The following TUB variants were observed in gnomAD, a reference collection of about 807,000 sequenced individuals.
TUB encodes TUB bipartite transcription factor, also known as tubby protein homolog.
In TUB, 33 loss-of-function variants were observed where a neutral mutation model predicts 59.7. The ratio of observed to expected loss-of-function variants is 0.55; its 90% CI spans 0.42 to 0.74. TUB has a LOEUF of 0.74. Ranked by LOEUF, TUB falls within the 30% of genes least tolerant of loss-of-function variation. TUB has a pLI of 0.00. For missense variants in TUB, 659 were observed against 672.0 expected, an observed-to-expected ratio of 0.98 and a Z score of 0.21; for synonymous variants, 293 against 256.4, an observed-to-expected ratio of 1.14 and a Z score of -1.36.
intron 2 of TUB, among the ~76,000 whole-genome samples, chr11:8,049,459 G>C (rs1942891049): frequency 6.6e-6 from 1 of 151,910 alleles, no homozygotes; most frequent in African/African-American, 2.4e-5. Context: ...CACTGGCCGA[G>C]GCCCAGCAAA....
At chr11:8,099,609 T>A (rs1164220269) in intron 9 of TUB, among the ~76,000 whole-genome samples, 1 of 152,202 alleles carries the variant, frequency 6.6e-6, no homozygotes, top group Non-Finnish European at 1.5e-5. Flanking sequence ...AATGTATACC[T>A]TTATGGGACT....
In TUB at chr11:8,081,524, C is replaced by T. The variant is rs748080754; in HGVS notation, c.14C>T (p.Pro5Leu). Residue 5 changes from proline to leucine, a missense_variant, in exon 1 of 12, where the codon CCG becomes CTG. Coordinates refer to ENST00000299506, the MANE Select transcript of TUB (RefSeq NM_177972.3). ...CCCCCGAGAGACATGACTTCCAAGC[C>T]GCATTCCGACTGGATTCCCTACAGG... MTSK[P>L]HSDWIPYSVL... is the part of the protein sequence containing the mutation. 2.6e-6 allele frequency: 4 copies of T among 1,553,228 alleles called. No homozygotes were observed. The Admixed American group carries it at 5.7e-5, about 22-fold the overall frequency.
chr11:8,019,999 C>T (rs1942398686), intron 1 of TUB, among the ~76,000 whole-genome samples: 1 of 152,186 alleles, frequency 6.6e-6, no homozygotes, highest in South Asian at 2.1e-4. Flanking sequence ...GAGCTGCGCT[C>T]CCCACGCACT....
chr11:8,081,353 C>T lies in TUB; in HGVS notation c.-158C>T. ...AGGCAGCCGCTCGCAGAGCCAGCAG[C>T]CGGGGCCCTGGCGTGCAGCGCGGGC... On this transcript the variant is annotated 5_prime_UTR_variant, in exon 1 of 12. Coordinates refer to ENST00000299506, the MANE Select transcript of TUB (RefSeq NM_177972.3). 7 of 987,366 alleles carry T rather than the reference C, an allele frequency of 7.1e-6. No individual in the cohort carries two copies. Among genetic ancestry groups the T allele is most frequent in the Non-Finnish European group, 8.4e-6 (7 of 831,826 alleles). The allele number at this position is 987,366 out of a possible 1,614,324, so 61.2% of individuals were successfully genotyped here.
chr11:8,068,996 A>T (rs1215152617), intron 2 of TUB: 1 of 152,188 alleles, frequency 6.6e-6, no homozygotes, highest in Non-Finnish European at 1.5e-5. Context: ...TGTAGAAACC[A>T]CAAATGGGGA....
upstream of TUB, among the ~76,000 whole-genome samples, chr11:8,036,637 T>C (rs1269514675): frequency 6.6e-6 from 1 of 152,218 alleles, no homozygotes; most frequent in African/African-American, 2.4e-5. Context: ...GCAAACACCC[T>C]GATGCTCAGA....
rs761030269 is a variant in TUB, at chr11:8,095,506, G to A, written c.406G>A (p.Gly136Arg). The change falls in exon 5 of 12, where the codon GGG (glycine) becomes AGG (arginine). Residue 136 changes from glycine (G) to arginine (R), a missense_variant. Physicochemically the swap from Gly to Arg is moderately radical, Grantham distance 125. Transcript: ENST00000299506. Reference protein sequence around the residue: ...EKKGKHKGTSGPAALAEDKSE... With the variant: ...EKKGKHKGTSRPAALAEDKSE... ...GTGTCCGTGGCCTGCAGGCACCAGC[G>A]GGCCAGCAGCACTGGCAGAAGACAA... is the stretch of plus-strand genomic sequence containing the variant. 180 of 1,608,706 alleles carry A rather than the reference G, an allele frequency of 1.1e-4. No individual in the cohort carries two copies. The highest frequency in any genetic ancestry group is 1.4e-4 in the Non-Finnish European group (164 of 1,177,118).
At chr11:8,061,104 C>T (rs1293554190) in intron 2 of TUB, among the ~76,000 whole-genome samples, 4 of 152,248 alleles carry the variant, frequency 2.6e-5, no homozygotes, top group Admixed American at 1.3e-4. Context: ...TGTGAAGCCA[C>T]AGGTCGGCCC....
At chr11:8,093,373 ATG>A (rs1336323644) in intron 3 of TUB, among the ~76,000 whole-genome samples, 2 of 151,930 alleles carry the variant, frequency 1.3e-5, no homozygotes, top group Non-Finnish European at 2.9e-5. Context: ...GGTGGGGAGT[ATG>A]TGTTTATTTT....
chr11:8,101,568 G>A lies in TUB; in HGVS notation c.1470G>A (p.Gln490=), dbSNP rs1944307674. 6.2e-7 allele frequency: 1 copy of A among 1,614,136 alleles called. No homozygotes were observed. Residue 490 remains glutamine, a synonymous_variant, in exon 12 of 12, where the codon CAG becomes CAA. Coordinates refer to ENST00000299506, the MANE Select transcript of TUB (RefSeq NM_177972.3). ...MDYNYPLCAL[Q]AFAIALSSFD... ...ACAACTACCCGCTGTGTGCACTGCAGGCCTTTGCCATTGCCCTGTCCAGCT... is the reference window on the plus strand; with the variant it reads ...ACAACTACCCGCTGTGTGCACTGCAAGCCTTTGCCATTGCCCTGTCCAGCT...
chr11:8,094,063 C>T lies in TUB; in HGVS notation c.271C>T (p.Leu91Phe), dbSNP rs764247631. The change falls in exon 4 of 12, where the codon CTC becomes TTC. Residue 91 changes from leucine to phenylalanine, a missense_variant. Leu to Phe is a conservative substitution (Grantham distance 22). This residue lies in a region of TUB where 321 missense variants were observed against 304.3 expected (regional missense o/e 1.05). Coordinates refer to ENST00000299506, the MANE Select transcript of TUB (RefSeq NM_177972.3). Reference protein sequence around the residue: ...TSYQVQEADSLASVQLGATRP... With the variant: ...TSYQVQEADSFASVQLGATRP... ...CTGAGCAGTTCAAGAGGCCGACTCA[C>T]TCGCCAGTGTGCAGCTGGGAGCCAC... 6.2e-7 allele frequency: 1 copy of T among 1,614,062 alleles called. No individual in the cohort carries two copies. Among genetic ancestry groups the T allele is most frequent in the East Asian group, 2.2e-5 (1 of 44,894 alleles).
chr11:8,066,742 A>G (rs1943250803), intron 2 of TUB, among the ~76,000 whole-genome samples: 1 of 152,114 alleles, frequency 6.6e-6, no homozygotes, highest in Non-Finnish European at 1.5e-5. Context: ...AGGTGTAATA[A>G]CTGCGGGTGT....
At chr11:8,056,944 C>T (rs981347671) in intron 2 of TUB, among the ~76,000 whole-genome samples, 2 of 152,054 alleles carry the variant, frequency 1.3e-5, no homozygotes, top group Admixed American at 6.5e-5. Context: ...CCACACGTCA[C>T]GAGTTAGGAG....
intron 1 of TUB, among the ~76,000 whole-genome samples, chr11:8,022,930 CA>C (rs1049023115): frequency 6.6e-6 from 1 of 152,084 alleles, no homozygotes; most frequent in African/African-American, 2.4e-5. Context: ...AACACACAAA[CA>C]AAAACAAAAC....
In TUB at chr11:8,098,808, C is replaced by G; in HGVS notation, c.1049C>G (p.Pro350Arg). 1 of 1,614,210 alleles carries G rather than the reference C, an allele frequency of 6.2e-7. No individual in the cohort carries two copies. Among genetic ancestry groups the G allele is most frequent in the Non-Finnish European group, 8.5e-7 (1 of 1,180,052 alleles). ...KFTVYDNGVNPQKASSSTLES... is the reference protein window; with the variant it reads ...KFTVYDNGVNRQKASSSTLES... ...ACTGTTTATGACAATGGAGTCAACCCTCAGAAGGCCTCATCCTCCACTTTG... is the reference window on the plus strand; with the variant it reads ...ACTGTTTATGACAATGGAGTCAACCGTCAGAAGGCCTCATCCTCCACTTTG... The change falls in exon 9 of 12, where the codon CCT becomes CGT. Residue 350 changes from proline (P) to arginine (R), a missense_variant. Around this residue, in one of 3 missense-constraint regions of TUB, gnomAD observed 226 missense variants for 210.8 expected, o/e 1.07. Coordinates refer to ENST00000299506, the MANE Select transcript of TUB (RefSeq NM_177972.3).
upstream of TUB, chr11:8,038,560 C>A: frequency 1.8e-6 from 2 of 1,086,700 alleles, no homozygotes; most frequent in Non-Finnish European, 2.2e-6. Flanking sequence ...CCCACAGATG[C>A]AGAGAGACTT....
Position 8,096,742 on chromosome 11 carries a change from C to A in TUB, c.623C>A (p.Ser208Tyr). ...EDEEDEEENS[S>Y]SSSQLNSNTR... is the part of the protein sequence containing the mutation. Reference sequence around the variant, plus strand: ...GAGGAGGATGAGGAGGAGAATAGCTCCAGCTCCTCCCAGCTAAATAGTAAC... The same window carrying A: ...GAGGAGGATGAGGAGGAGAATAGCTACAGCTCCTCCCAGCTAAATAGTAAC... The change falls in exon 6 of 12, where the codon TCC (serine) becomes TAC (tyrosine). Residue 208 changes from serine (S) to tyrosine (Y), a missense_variant. Physicochemically the swap from Ser to Tyr is moderately radical, Grantham distance 144 (BLOSUM62 -2). Transcript: ENST00000299506. 6.2e-7 allele frequency: 1 copy of A among 1,614,068 alleles called. No homozygotes were observed. The highest frequency in any genetic ancestry group is 8.5e-7 in the Non-Finnish European group (1 of 1,179,978).
At chr11:8,081,009 TG>T (rs1203726259), upstream of TUB, among the ~76,000 whole-genome samples, 1 of 152,076 alleles carries the variant, frequency 6.6e-6, no homozygotes, top group African/African-American at 2.4e-5. Context: ...CTGGGAGGCC[TG>T]GGGACTGGCC....
At chr11:8,088,235 C>G (rs551336765) in intron 1 of TUB, among the ~76,000 whole-genome samples, 4 of 152,158 alleles carry the variant, frequency 2.6e-5, no homozygotes, top group Non-Finnish European at 5.9e-5. Context: ...CCTCATAGAT[C>G]GTGGCCAAGG....
Sources: allele counts gnomAD v4.1 joint callset (sites outside exome capture counted in the v4.1 genomes callset), GRCh38; gene constraint gnomAD v4.1.1; regional missense constraint gnomAD v4.1.1; transcripts MANE v1.5; gene names NCBI Gene and HGNC (gene_info 2026-07-23, HGNC 2026-07-21).